The following LNPK variants were observed in gnomAD, a reference collection of about 807,000 sequenced individuals.
LNPK encodes lunapark, ER junction formation factor.
In LNPK, 29 loss-of-function variants were observed where a neutral mutation model predicts 55.2. That is an observed-to-expected ratio of 0.53 (90% confidence interval 0.39 to 0.72). The LOEUF is 0.72. Among genes scored for constraint, LNPK ranks in the 30% least tolerant of loss-of-function variants. The pLI, the probability that LNPK is intolerant of heterozygous loss-of-function variation, is 0.00. For synonymous variants in LNPK, 162 were observed against 168.2 expected (o/e 0.96, Z 0.29); for missense variants, 467 against 494.8 (o/e 0.94, Z 0.53).
At chr2:175,946,785 A>C (rs1685143969) in intron 9 of LNPK, among the ~76,000 whole-genome samples, 1 of 152,192 alleles carries the variant, frequency 6.6e-6, no homozygotes, top group Non-Finnish European at 1.5e-5. Flanking sequence ...TATGACATGG[A>C]AATCTACATA....
At chr2:175,997,705 C>CTGTGTGTGTGTGTG (rs35147185) in intron 1 of LNPK, among the ~76,000 whole-genome samples, 23,268 of 143,908 alleles carry the variant, frequency 0.16, 1,965 homozygotes, top group East Asian at 0.23. Context: ...AACAAATGCT[C>CTGTGTGTGTGTGTG]TGTGTGTGTG....
At chr2:175,998,198 C>T (rs1419573324) in intron 1 of LNPK, among the ~76,000 whole-genome samples, 2 of 152,050 alleles carry the variant, frequency 1.3e-5, no homozygotes, top group East Asian at 1.9e-4. Flanking sequence ...AATCCCAACA[C>T]TTTGGGAGGC....
chr2:175,990,724 T>C (rs1687665193), intron 4 of LNPK, among the ~76,000 whole-genome samples: 1 of 152,184 alleles, frequency 6.6e-6, no homozygotes, highest in African/African-American at 2.4e-5. Flanking sequence ...ATGCTATTCT[T>C]TGTTGGATAA....
chr2:175,964,694 G>T (rs930100068), intron 6 of LNPK, 105 bp from the exon 7 acceptor site: 1 of 660,684 alleles, frequency 1.5e-6, no homozygotes, highest in African/African-American at 1.8e-5. Flanking sequence ...TATCCAAATA[G>T]AATGAAAGAC....
chr2:175,951,553 C>T (rs143210663), intron 8 of LNPK, among the ~76,000 whole-genome samples: 2,915 of 126,778 alleles, frequency 0.023, 54 homozygotes, highest in Non-Finnish European at 0.037. Context: ...TTAATTCATT[C>T]CTTTTTATGG....
intron 2 of LNPK, among the ~76,000 whole-genome samples, chr2:175,993,803 T>C (rs1223381309): frequency 6.6e-6 from 1 of 151,546 alleles, no homozygotes; most frequent in African/African-American, 2.4e-5. Flanking sequence ...AAAAAAAAAA[T>C]TAAATTAAAT....
chr2:175,955,400 T>C (rs1685643046), intron 8 of LNPK, among the ~76,000 whole-genome samples: 1 of 152,194 alleles, frequency 6.6e-6, no homozygotes, highest in Non-Finnish European at 1.5e-5. Flanking sequence ...GTAGATCCTC[T>C]AGCTCAGTAA....
In LNPK at chr2:175,924,897, T is replaced by C. The variant is rs1251698025; in HGVS notation, c.*5070A>G. ...AAGGGAGGGAGGATACCAGGCTCTT[T>C]TAAACAATCAGCTTCCAGGGGAGGA... On this transcript the variant is annotated 3_prime_UTR_variant, in exon 13 of 13. Coordinates refer to ENST00000272748, the MANE Select transcript of LNPK (RefSeq NM_030650.3). 1 of 152,176 alleles carries C rather than the reference T, an allele frequency of 6.6e-6. No individual in the cohort carries two copies. 9.4% of individuals were successfully genotyped at this position (152,176 alleles called of 1,614,324 possible). A position where few individuals can be genotyped will look rare whatever the true frequency, so the allele number is the denominator to read the frequency against.
chr2:175,942,710 C>T (rs1441359256), intron 9 of LNPK, among the ~76,000 whole-genome samples: 1 of 151,148 alleles, frequency 6.6e-6, no homozygotes, highest in Non-Finnish European at 1.5e-5. Flanking sequence ...TATTAAACAC[C>T]TATATTACAA....
chr2:175,942,349 C>G (rs955459650), intron 9 of LNPK, among the ~76,000 whole-genome samples: 2 of 152,164 alleles, frequency 1.3e-5, no homozygotes, highest in African/African-American at 4.8e-5. Context: ...CCAGTATCCA[C>G]TGGGGGATCC....
At chr2:175,962,021 G>A (rs1448410348) in intron 8 of LNPK, among the ~76,000 whole-genome samples, 1 of 152,140 alleles carries the variant, frequency 6.6e-6, no homozygotes, top group Non-Finnish European at 1.5e-5. Context: ...TCTTCAAGGA[G>A]AACTACAAAC....
chr2:175,995,673 G>T lies in LNPK; in HGVS notation c.-62-27C>A, dbSNP rs751522286. On this transcript the variant is annotated intron_variant, in intron 1 of 12. Transcript: ENST00000272748. Reference sequence around the variant, plus strand: ...TAGAAATAAAGCAAGTATTTAAAATGTTAAGTTAAACACACAGCATACCCA... The same window carrying T: ...TAGAAATAAAGCAAGTATTTAAAATTTTAAGTTAAACACACAGCATACCCA... The T allele has an allele frequency of 8.4e-5, 97 of 1,159,040 alleles. 1 individual carries two copies. The South Asian group carries it at 1.2e-3, about 14-fold the overall frequency. The allele number at this position is 1,159,040 out of a possible 1,614,324, so 71.8% of individuals were successfully genotyped here. A position where few individuals can be genotyped will look rare whatever the true frequency, so the allele number is the denominator to read the frequency against.
At chr2:175,983,157 A>G (rs1239768483) in intron 4 of LNPK, among the ~76,000 whole-genome samples, 1 of 152,240 alleles carries the variant, frequency 6.6e-6, no homozygotes, top group Admixed American at 6.5e-5. Flanking sequence ...AATGAGAACA[A>G]GATGCACAGC....
intron 12 of LNPK, among the ~76,000 whole-genome samples, chr2:175,931,586 T>C (rs570142217): frequency 6.6e-6 from 1 of 152,358 alleles, no homozygotes; most frequent in African/African-American, 2.4e-5. Context: ...AGTTTTACTA[T>C]ATGAAAACTT....
intron 12 of LNPK, among the ~76,000 whole-genome samples, chr2:175,936,449 A>T (rs1684549525): frequency 6.6e-6 from 1 of 152,188 alleles, no homozygotes; most frequent in Admixed American, 6.5e-5. Flanking sequence ...TGTAAACGAT[A>T]ATTCCTAGAA....
At chr2:175,933,680 T>C (rs550804654) in intron 12 of LNPK, among the ~76,000 whole-genome samples, 170 of 151,330 alleles carry the variant, frequency 1.1e-3, no homozygotes, top group African/African-American at 3.8e-3. Context: ...ACATACAGAA[T>C]ACCATTTAAT....
In LNPK at chr2:175,928,394, T is replaced by C. The variant is rs527615366; in HGVS notation, c.*1573A>G. The stretch of plus-strand genomic sequence containing the variant: ...TTTACAGATGAAAAAATAATCTCAG[T>C]GAGTTTATAGGTGACTTGCCCAAGA... On this transcript the variant is annotated 3_prime_UTR_variant, in exon 13 of 13. Coordinates refer to ENST00000272748, the MANE Select transcript of LNPK (RefSeq NM_030650.3). 6.6e-6 allele frequency: 1 copy of C among 151,554 alleles called. No individual in the cohort carries two copies. Among genetic ancestry groups the C allele is most frequent in the African/African-American group, 2.4e-5 (1 of 41,332 alleles). The allele number at this position is 151,554 out of a possible 1,614,324, so 9.4% of individuals were successfully genotyped here.
At chr2:175,997,905 A>T (rs1228624900) in intron 1 of LNPK, among the ~76,000 whole-genome samples, 1 of 141,938 alleles carries the variant, frequency 7.0e-6, no homozygotes, top group Non-Finnish European at 1.5e-5. Context: ...CACCCGGCTA[A>T]TTTTTTTTTT....
intron 4 of LNPK, among the ~76,000 whole-genome samples, chr2:175,980,605 T>C (rs567006087): frequency 1.1e-4 from 17 of 152,190 alleles, no homozygotes; most frequent in Non-Finnish European, 1.8e-4. Context: ...CCATAGAACC[T>C]GGCAGAAATA....
Sources: gnomAD v4.1 joint callset for allele counts (sites outside exome capture counted in the v4.1 genomes callset) on GRCh38, gnomAD v4.1.1 for gene constraint, MANE v1.5 for transcripts, NCBI Gene and HGNC (gene_info 2026-07-23, HGNC 2026-07-21) for gene names.